The following NBEA variants were observed in gnomAD, a reference collection of about 807,000 sequenced individuals.
NBEA encodes the protein neurobeachin.
NBEA carries 44 observed loss-of-function variants against 343.4 expected under a neutral mutation model. The ratio of observed to expected loss-of-function variants is 0.13; its 90% CI spans 0.10 to 0.16. The LOEUF (loss-of-function observed/expected upper bound fraction) is 0.16, where lower values mean the gene tolerates loss of function less well. Among genes scored for constraint, NBEA ranks in the 10% least tolerant of loss-of-function variants. The probability of loss-of-function intolerance (pLI) is 1.00; values close to 1 mark genes in which losing one functional copy is unlikely to be tolerated. For synonymous variants in NBEA, 1,175 were observed against 1,238.7 expected, an observed-to-expected ratio of 0.95 and a Z score of 1.08; for missense variants, 2,555 against 3,631.3, an observed-to-expected ratio of 0.70 and a Z score of 7.62.
intron 34 of NBEA, among the ~76,000 whole-genome samples, chr13:35,236,941 A>C (rs1176258940): frequency 1.3e-5 from 2 of 151,846 alleles, no homozygotes; most frequent in East Asian, 1.9e-4. Flanking sequence ...GTCATTACCT[A>C]ACTTAGACTC....
At chr13:34,961,221 T>A (rs1211475534) in intron 1 of NBEA, among the ~76,000 whole-genome samples, 1 of 152,104 alleles carries the variant, frequency 6.6e-6, no homozygotes, top group East Asian at 1.9e-4. Flanking sequence ...GTGTCACACT[T>A]GTGGCATGTT....
rs73490373 is a variant in NBEA at position 34,975,166 on chromosome 13, G to A, written c.294+32052G>A. Among the ~76,000 whole-genome samples, 966 of 152,174 alleles carry A rather than the reference G, an allele frequency of 6.3e-3. 11 individuals are homozygous for A. The highest frequency in any genetic ancestry group is 0.022 in the African/African-American group (925 of 41,534). On this transcript the variant is annotated intron_variant, in intron 1 of 58. Coordinates refer to ENST00000379939, the MANE Select transcript of NBEA (RefSeq NM_001385012.1). ...AGACATAATTTCTTAAGTTCTGTGA[G>A]AAAATTACAAAGAAATCTGGAAGCA...
intron 47 of NBEA, among the ~76,000 whole-genome samples, chr13:35,600,493 T>C (rs2081997846): frequency 6.6e-6 from 1 of 152,198 alleles, no homozygotes. Flanking sequence ...GGATGCACTT[T>C]GGTACTGGGT....
chr13:35,324,425 C>T (rs1299495510), intron 36 of NBEA, among the ~76,000 whole-genome samples: 2 of 152,292 alleles, frequency 1.3e-5, no homozygotes, highest in Middle Eastern at 3.4e-3. Flanking sequence ...TCTTCTATAA[C>T]ATGTCTCTTA....
chr13:35,095,607 T>G (rs2065293176), intron 10 of NBEA, among the ~76,000 whole-genome samples: 1 of 151,828 alleles, frequency 6.6e-6, no homozygotes, highest in African/African-American at 2.4e-5. Flanking sequence ...AAACACCCAC[T>G]AGGTTATTAA....
At chr13:35,563,733 T>C (rs1016579478) in intron 44 of NBEA, among the ~76,000 whole-genome samples, 6 of 151,940 alleles carry the variant, frequency 3.9e-5, no homozygotes, top group Non-Finnish European at 7.4e-5. Flanking sequence ...TCAAAGATTA[T>C]TGAAAGTGAA....
chr13:35,273,215 G>A (rs899114857), intron 34 of NBEA, among the ~76,000 whole-genome samples: 4 of 152,010 alleles, frequency 2.6e-5, no homozygotes, highest in Non-Finnish European at 5.9e-5. Context: ...AAAACCACAC[G>A]ACTACATGGA....
intron 41 of NBEA, among the ~76,000 whole-genome samples, chr13:35,535,562 C>T (rs1483093068): frequency 2.0e-5 from 3 of 152,052 alleles, no homozygotes; most frequent in East Asian, 1.9e-4. Context: ...AGGGGAGGAT[C>T]GTGAATTCAT....
rs1283307894 is a variant in NBEA at position 35,055,283 on chromosome 13, G to C, written c.973-727G>C. ...ATTAACTCTCAGGAGACTAAAGGTTGCTACAGAAATCAAACCATCCATATT... is the reference window on the plus strand; with the variant it reads ...ATTAACTCTCAGGAGACTAAAGGTTCCTACAGAAATCAAACCATCCATATT... On this transcript the variant is annotated intron_variant, in intron 6 of 58. Coordinates refer to ENST00000379939, the MANE Select transcript of NBEA (RefSeq NM_001385012.1). Among the ~76,000 whole-genome samples the C allele has an allele frequency of 9.2e-5, 14 of 152,122 alleles. 1 individual carries two copies. The South Asian group carries it at 2.7e-3, about 29-fold the overall frequency.
chr13:35,604,051 C>A (rs754314360), intron 47 of NBEA, among the ~76,000 whole-genome samples: 34 of 152,162 alleles, frequency 2.2e-4, no homozygotes, highest in Admixed American at 3.9e-4. Flanking sequence ...CTTCTACTCT[C>A]CTGTCAGCGA....
chr13:35,649,477 C>T (rs2084411580), intron 51 of NBEA, among the ~76,000 whole-genome samples, 178 bp from the exon 52 acceptor site: 1 of 152,128 alleles, frequency 6.6e-6, no homozygotes, highest in Non-Finnish European at 1.5e-5. Flanking sequence ...TGTGCCATTC[C>T]CCAGTCAAAG....
chr13:35,479,425 C>T (rs1379549052), intron 41 of NBEA, among the ~76,000 whole-genome samples: 2 of 152,136 alleles, frequency 1.3e-5, no homozygotes, highest in African/African-American at 2.4e-5. Flanking sequence ...GTAGACGCCC[C>T]TCATTGTTGA....
At chr13:34,943,354 A>G (rs976682093) in intron 1 of NBEA, among the ~76,000 whole-genome samples, 2 of 151,270 alleles carry the variant, frequency 1.3e-5, no homozygotes, top group African/African-American at 4.9e-5. Flanking sequence ...CCAACTTAAC[A>G]CCGCTTCTTC....
Position 35,481,869 on chromosome 13 carries a change from T to C in NBEA, c.6585+9333T>C, listed in dbSNP as rs546525214. 6.6e-5 allele frequency among the ~76,000 whole-genome samples: 10 copies of C among 151,992 alleles called. No homozygotes were observed. The South Asian group carries it at 1.7e-3, about 25-fold the overall frequency. On this transcript the variant is annotated intron_variant, in intron 41 of 58. Coordinates refer to ENST00000379939, the MANE Select transcript of NBEA (RefSeq NM_001385012.1). ...GTATATGGCTACATTTTTAGTACTC[T>C]TAATATGCTATCTTTTTATTGCATT...
intron 44 of NBEA, among the ~76,000 whole-genome samples, chr13:35,563,132 GAGATAGATAGATAGATAGAT>G (rs3075543): frequency 1.9e-3 from 239 of 123,586 alleles, no homozygotes; most frequent in African/African-American, 5.2e-3. Flanking sequence ...TGTGTGTGTG[GAGATAGATAGATAGATAGAT>G]AGATAGATAG....
At chr13:35,233,049 G>C (rs2075057030) in intron 34 of NBEA, among the ~76,000 whole-genome samples, 1 of 152,060 alleles carries the variant, frequency 6.6e-6, no homozygotes, top group East Asian at 1.9e-4. Context: ...TAAAAATCTA[G>C]AGAAATACTT....
chr13:35,096,285 T>C (rs183972773), intron 10 of NBEA, among the ~76,000 whole-genome samples: 11 of 151,754 alleles, frequency 7.2e-5, no homozygotes, highest in African/African-American at 2.2e-4. Flanking sequence ...GTGAATGCAT[T>C]TGACATTTCA....
chr13:35,231,715 A>G (rs1431593334), intron 33 of NBEA, among the ~76,000 whole-genome samples: 4 of 152,258 alleles, frequency 2.6e-5, no homozygotes, highest in East Asian at 3.9e-4. Context: ...TTTTGCAGAC[A>G]TAGAAAGCCT....
chr13:35,167,376 T>C (rs1053162592), intron 24 of NBEA, among the ~76,000 whole-genome samples: 7 of 151,906 alleles, frequency 4.6e-5, no homozygotes, highest in African/African-American at 1.7e-4. Flanking sequence ...ATCATCATCA[T>C]GGAAGAAAAT....
Sources: gnomAD v4.1 joint callset for allele counts (sites outside exome capture counted in the v4.1 genomes callset) on GRCh38, gnomAD v4.1.1 for gene constraint, MANE v1.5 for transcripts, NCBI Gene and HGNC (gene_info 2026-07-23, HGNC 2026-07-21) for gene names.